The following DTD1 variants were observed in gnomAD, a reference collection of about 807,000 sequenced individuals.
DTD1 encodes the protein D-tyrosyl-tRNA deacylase 1 homolog.
DTD1 carries 13 observed loss-of-function variants against 25.6 expected under a neutral mutation model. The ratio of observed to expected loss-of-function variants is 0.51; its 90% CI spans 0.33 to 0.81. The LOEUF is 0.81. Among genes scored for constraint, DTD1 ranks in the 30% least tolerant of loss-of-function variants. The pLI is 0.02. For synonymous variants in DTD1, 110 were observed against 103.6 expected (o/e 1.06, Z -0.37); for missense variants, 193 against 266.4 (o/e 0.72, Z 1.92).
chr20:18,707,598 G>A (rs1000892687), intron 4 of DTD1, among the ~76,000 whole-genome samples: 3 of 152,182 alleles, frequency 2.0e-5, no homozygotes, highest in Admixed American at 1.3e-4. Flanking sequence ...TTTTCAAGGT[G>A]AACTGGTGGC....
intron 5 of DTD1, among the ~76,000 whole-genome samples, chr20:18,755,577 G>A (rs1183770392): frequency 5.9e-5 from 9 of 151,664 alleles, no homozygotes; most frequent in Middle Eastern, 3.4e-3. Context: ...AGCTTCATCC[G>A]TGTCCCTACA....
chr20:18,707,340 AGTT>A (rs1461900457), intron 4 of DTD1, among the ~76,000 whole-genome samples: 1 of 152,204 alleles, frequency 6.6e-6, no homozygotes, highest in Non-Finnish European at 1.5e-5. Flanking sequence ...CCACACACAC[AGTT>A]GTTGTTTAAG....
chr20:18,676,440 C>T (rs897399265), intron 4 of DTD1, among the ~76,000 whole-genome samples: 2 of 152,016 alleles, frequency 1.3e-5, no homozygotes, highest in African/African-American at 2.4e-5. Flanking sequence ...GAAATTAGGT[C>T]GGGGGTGGGT....
chr20:18,647,726 G>A (rs1482093907), intron 4 of DTD1, among the ~76,000 whole-genome samples: 4 of 152,104 alleles, frequency 2.6e-5, no homozygotes, highest in South Asian at 2.1e-4. Context: ...GTTTTTTGGC[G>A]GTGGGCAGTG....
intron 1 of DTD1, among the ~76,000 whole-genome samples, chr20:18,589,502 C>T (rs1302457823): frequency 6.6e-6 from 1 of 152,130 alleles, no homozygotes; most frequent in African/African-American, 2.4e-5. Flanking sequence ...CTAAGCTGTT[C>T]TGGTAGCTTT....
intron 5 of DTD1, among the ~76,000 whole-genome samples, chr20:18,762,387 T>C (rs190682215): frequency 5.9e-5 from 9 of 152,242 alleles, no homozygotes; most frequent in Non-Finnish European, 1.2e-4. Flanking sequence ...GTTTTTGTTA[T>C]AGCCTCGGAA....
At chr20:18,673,900 A>G (rs1254627488) in intron 4 of DTD1, among the ~76,000 whole-genome samples, 1 of 147,428 alleles carries the variant, frequency 6.8e-6, no homozygotes, top group Non-Finnish European at 1.5e-5. Context: ...ATAAAACCCT[A>G]TGTTAGTTTT....
intron 3 of DTD1, among the ~76,000 whole-genome samples, 184 bp from the exon 4 acceptor site, chr20:18,627,943 G>A (rs116706395): frequency 0.016 from 2,376 of 152,116 alleles, 50 homozygotes; most frequent in East Asian, 0.051. Flanking sequence ...CTTGCCTTCC[G>A]CCATGATTGT....
intron 4 of DTD1, among the ~76,000 whole-genome samples, chr20:18,649,928 T>G (rs1025113494): frequency 3.3e-5 from 5 of 152,188 alleles, no homozygotes; most frequent in African/African-American, 1.2e-4. Flanking sequence ...GAAGGTAAAA[T>G]TGGGCTGGAT....
chr20:18,701,503 C>A (rs6132104), intron 4 of DTD1, among the ~76,000 whole-genome samples: 54,929 of 152,064 alleles, frequency 0.36, 10,239 homozygotes, highest in Non-Finnish European at 0.41. Context: ...TTTCTTCCTC[C>A]TGTGCAATCT....
Position 18,744,253 on chromosome 20 carries a change from C to T in DTD1, c.*1C>T. 1.9e-6 allele frequency: 3 copies of T among 1,610,986 alleles called. No homozygotes were observed. Among genetic ancestry groups the T allele is most frequent in the Non-Finnish European group, 2.5e-6 (3 of 1,179,698 alleles). ...CGTGTCCTCTGAACGGGAGCCGTAG[C>T]TCAGGAGGCAGAATTCAGGTAGGAG... On this transcript the variant is annotated 3_prime_UTR_variant, in exon 5 of 6. Transcript: ENST00000377452.
intron 5 of DTD1, among the ~76,000 whole-genome samples, chr20:18,761,355 A>G (rs6136505): frequency 0.25 from 37,728 of 151,950 alleles, 4,998 homozygotes; most frequent in Middle Eastern, 0.35. Flanking sequence ...CTATTTGGCC[A>G]TCTTGGCTCC....
intron 4 of DTD1, among the ~76,000 whole-genome samples, chr20:18,660,614 T>C (rs1367072544): frequency 6.6e-6 from 1 of 152,102 alleles, no homozygotes; most frequent in Non-Finnish European, 1.5e-5. Context: ...AATTATTTAG[T>C]ATAAAGAGAG....
At chr20:18,758,682 A>G (rs1415992304) in intron 5 of DTD1, among the ~76,000 whole-genome samples, 1 of 152,154 alleles carries the variant, frequency 6.6e-6, no homozygotes, top group Non-Finnish European at 1.5e-5. Context: ...GGAGTGCTTT[A>G]CTTCCAACTA....
intron 4 of DTD1, among the ~76,000 whole-genome samples, chr20:18,708,068 T>G (rs1364194617): frequency 6.7e-6 from 1 of 149,090 alleles, no homozygotes; most frequent in Non-Finnish European, 1.5e-5. Flanking sequence ...GAAATGTGCC[T>G]GGTCCCAATT....
chr20:18,632,530 T>A (rs1172713907), intron 4 of DTD1: 1 of 985,324 alleles, frequency 1.0e-6, no homozygotes, highest in African/African-American at 1.7e-5. Context: ...TTTGTGTTGA[T>A]AGGAGGAGCA....
intron 4 of DTD1, among the ~76,000 whole-genome samples, chr20:18,694,297 C>G (rs541164838): frequency 2.6e-5 from 4 of 152,310 alleles, no homozygotes; most frequent in Admixed American, 6.5e-5. Context: ...CCTATTCCCT[C>G]TTCTCAGCAG....
chr20:18,662,138 C>T lies in DTD1; in HGVS notation c.477+33905C>T, dbSNP rs768943363. Among the ~76,000 whole-genome samples the T allele has an allele frequency of 5.3e-4, 80 of 151,984 alleles. 1 individual carries two copies. The highest frequency in any genetic ancestry group is 1.6e-4 in the Non-Finnish European group (11 of 68,012). On this transcript the variant is annotated intron_variant, in intron 4 of 5. Transcript: ENST00000377452. ...CTGCGGTCCAGCCTGGGTGACAGAG[C>T]GAGACCCCATTTCTTAAAAAAAAGT...
chr20:18,622,196 A>G (rs1031103140), intron 3 of DTD1, among the ~76,000 whole-genome samples: 1 of 152,118 alleles, frequency 6.6e-6, no homozygotes, highest in Non-Finnish European at 1.5e-5. Flanking sequence ...TAAGCCCTGC[A>G]TGCATTAGGT....
Sources: gnomAD v4.1 joint callset for allele counts (sites outside exome capture counted in the v4.1 genomes callset) on GRCh38, gnomAD v4.1.1 for gene constraint, MANE v1.5 for transcripts, NCBI Gene and HGNC (gene_info 2026-07-23, HGNC 2026-07-21) for gene names.